The following ZFAND3 variants were observed in gnomAD, a reference collection of about 807,000 sequenced individuals.
ZFAND3 encodes zinc finger AN1-type containing 3.
A neutral mutation model predicts 29.6 loss-of-function variants in ZFAND3; 10 were observed. The ratio of observed to expected loss-of-function variants is 0.34; its 90% CI spans 0.21 to 0.57. ZFAND3 has a LOEUF of 0.57. ZFAND3 is among the 20% of genes least tolerant of loss of function. ZFAND3 has a pLI of 0.86. For missense variants in ZFAND3, 230 were observed against 304.5 expected (o/e 0.76, Z 1.82); for synonymous variants, 128 against 112.6 (o/e 1.14, Z -0.87).
chr6:38,043,917 A>G (rs1763846206), intron 2 of ZFAND3, among the ~76,000 whole-genome samples: 1 of 152,112 alleles, frequency 6.6e-6, no homozygotes, highest in Non-Finnish European at 1.5e-5. Context: ...TGCTGGAATT[A>G]CAGGTGTGAG....
intron 1 of ZFAND3, among the ~76,000 whole-genome samples, chr6:37,842,275 GA>G (rs1280207065): frequency 6.6e-6 from 1 of 152,150 alleles, no homozygotes; most frequent in African/African-American, 2.4e-5. Context: ...TCTCGCTCCA[GA>G]AAGGTTCCTC....
chr6:37,849,841 C>T (rs186859492), intron 1 of ZFAND3, among the ~76,000 whole-genome samples: 41 of 152,306 alleles, frequency 2.7e-4, no homozygotes, highest in African/African-American at 9.6e-4. Context: ...AGGAATGTTA[C>T]GGTCCTGAGT....
In ZFAND3 at chr6:37,884,494, CAAAAAA is replaced by C. The variant is rs58015486; in HGVS notation, c.72-45445_72-45440del. Among the ~76,000 whole-genome samples, 49 of 53,846 alleles carry C rather than the reference CAAAAAA, an allele frequency of 9.1e-4. 2 individuals carry two copies. Among genetic ancestry groups the C allele is most frequent in the African/African-American group, 3.1e-3 (29 of 9,290 alleles). The allele number at this position is 53,846 out of a possible 152,430, so 35.3% of individuals were successfully genotyped here. On this transcript the variant is annotated intron_variant, in intron 1 of 5. Coordinates refer to ENST00000287218, the MANE Select transcript of ZFAND3 (RefSeq NM_021943.3). ...GGGCAAAAAGAGCGAAACTCTAGCT[CAAAAAA>C]AAAAAAAAAAAAAAAAAAAGAATTA...
chr6:37,912,537 C>A (rs1483484733), intron 1 of ZFAND3, among the ~76,000 whole-genome samples: 4 of 152,068 alleles, frequency 2.6e-5, no homozygotes, highest in South Asian at 2.1e-4. Flanking sequence ...CTGAGAAAAA[C>A]CAGTTAAATA....
intron 2 of ZFAND3, 91 bp downstream of exon 2, chr6:37,930,090 A>C (rs1761567125): frequency 7.7e-7 from 1 of 1,305,930 alleles, no homozygotes; most frequent in Non-Finnish European, 1.0e-6. Flanking sequence ...ATTTGACCCT[A>C]AAGGATTTAT....
Position 38,110,568 on chromosome 6 carries a change from G to A in ZFAND3, c.362-6004G>A, listed in dbSNP as rs1204037558. ...CGAAGGAGAAACAGCAGTGATGTGT[G>A]AGGGTTCGTTAATTATTGCTCTTAC... On this transcript the variant is annotated intron_variant, in intron 4 of 5. Coordinates refer to ENST00000287218, the MANE Select transcript of ZFAND3 (RefSeq NM_021943.3). Among the ~76,000 whole-genome samples, 4 of 152,284 alleles carry A rather than the reference G, an allele frequency of 2.6e-5. No homozygotes were observed. In the East Asian group the frequency reaches 7.7e-4, roughly 29 times the overall value.
At chr6:37,862,366 A>C (rs1399237067) in intron 1 of ZFAND3, among the ~76,000 whole-genome samples, 2 of 152,076 alleles carry the variant, frequency 1.3e-5, no homozygotes, top group East Asian at 3.8e-4. Context: ...ATAGTCTTTT[A>C]AGAAGTTATA....
intron 1 of ZFAND3, among the ~76,000 whole-genome samples, chr6:37,920,964 C>T (rs1172320108): frequency 1.3e-5 from 2 of 152,070 alleles, no homozygotes; most frequent in Admixed American, 6.6e-5. Context: ...GTGTATGAGG[C>T]GGGAAGCAGA....
intron 2 of ZFAND3, among the ~76,000 whole-genome samples, chr6:38,011,780 C>T (rs1282717244): frequency 1.3e-5 from 2 of 151,786 alleles, no homozygotes; most frequent in Non-Finnish European, 2.9e-5. Context: ...AAAACGTGAT[C>T]AAATACTATA....
chr6:38,100,081 G>A (rs556937447), intron 4 of ZFAND3, among the ~76,000 whole-genome samples: 1 of 151,148 alleles, frequency 6.6e-6, no homozygotes, highest in East Asian at 1.9e-4. Flanking sequence ...TTTTTAAGAC[G>A]GAGTCTCACT....
chr6:37,937,221 A>G (rs894665799), intron 2 of ZFAND3, among the ~76,000 whole-genome samples: 2 of 152,246 alleles, frequency 1.3e-5, no homozygotes, highest in Non-Finnish European at 2.9e-5. Context: ...TTAAGCTCAT[A>G]TATTTTCCTT....
intron 1 of ZFAND3, among the ~76,000 whole-genome samples, chr6:37,866,252 T>G (rs2127386135): frequency 6.6e-6 from 1 of 152,284 alleles, no homozygotes; most frequent in East Asian, 1.9e-4. Context: ...TAGAATGGGA[T>G]TAGGTGAGAT....
At chr6:38,121,827 A>T (rs1232959089) in intron 5 of ZFAND3, among the ~76,000 whole-genome samples, 1 of 152,184 alleles carries the variant, frequency 6.6e-6, no homozygotes, top group Non-Finnish European at 1.5e-5. Context: ...CTATGTAGTT[A>T]CTATTTTTCC....
intron 1 of ZFAND3, among the ~76,000 whole-genome samples, chr6:37,901,608 A>G (rs1057403996): frequency 1.3e-5 from 2 of 152,130 alleles, no homozygotes; most frequent in Admixed American, 1.3e-4. Context: ...ACAGAGTGAG[A>G]CCATGTTTCA....
intron 1 of ZFAND3, among the ~76,000 whole-genome samples, chr6:37,830,866 A>G (rs1301179181): frequency 6.6e-6 from 1 of 152,214 alleles, no homozygotes; most frequent in Non-Finnish European, 1.5e-5. Context: ...CAGTGAATAC[A>G]TATGGGGAAG....
intron 5 of ZFAND3, among the ~76,000 whole-genome samples, chr6:38,122,472 T>C (rs1248681666): frequency 1.3e-5 from 2 of 152,200 alleles, no homozygotes; most frequent in Admixed American, 1.3e-4. Context: ...CTTAATTATT[T>C]TGGTGCTCAA....
At chr6:37,939,811 G>A (rs960236426) in intron 2 of ZFAND3, among the ~76,000 whole-genome samples, 1 of 152,120 alleles carries the variant, frequency 6.6e-6, no homozygotes, top group Non-Finnish European at 1.5e-5. Flanking sequence ...GGAGGCTTAG[G>A]CGGGCGGATC....
chr6:38,069,180 C>T (rs897269143), intron 3 of ZFAND3, among the ~76,000 whole-genome samples: 1 of 152,102 alleles, frequency 6.6e-6, no homozygotes, highest in Non-Finnish European at 1.5e-5. Context: ...TTCCCTTTTT[C>T]AGACTATGCC....
At chr6:38,116,760 C>T (rs368572938) in intron 5 of ZFAND3, 21 bp downstream of exon 5, 19 of 1,610,276 alleles carry the variant, frequency 1.2e-5, no homozygotes, top group Admixed American at 3.3e-5. Flanking sequence ...CCCCCAGTGG[C>T]GTGATGGAGA....
Sources: gnomAD v4.1 joint callset for allele counts (sites outside exome capture counted in the v4.1 genomes callset) on GRCh38, gnomAD v4.1.1 for gene constraint, MANE v1.5 for transcripts, NCBI Gene and HGNC (gene_info 2026-07-23, HGNC 2026-07-21) for gene names.